The following NKAIN2 variants were observed in gnomAD, a reference collection of about 807,000 sequenced individuals.
NKAIN2 encodes sodium/potassium transporting ATPase interacting 2, also known as sodium/potassium-transporting ATPase subunit beta-1-interacting protein 2.
NKAIN2 carries 14 observed loss-of-function variants against 32.6 expected under a neutral mutation model. The ratio of observed to expected loss-of-function variants is 0.43; its 90% confidence interval spans 0.28 to 0.67. The LOEUF is 0.67. Among genes scored for constraint, NKAIN2 ranks in the 30% least tolerant of loss-of-function variants. The probability of loss-of-function intolerance (pLI) is 0.17; values close to 1 mark genes in which losing one functional copy is unlikely to be tolerated. For missense variants in NKAIN2, 198 were observed against 258.3 expected (o/e 0.77, Z 1.60); for synonymous variants, 80 against 87.2 (o/e 0.92, Z 0.46).
intron 3 of NKAIN2, among the ~76,000 whole-genome samples, chr6:124,533,491 A>AAAAAAAAAAC (rs57654153): frequency 1.3e-5 from 2 of 149,248 alleles, no homozygotes; most frequent in East Asian, 2.0e-4. Context: ...AAAAAAAAAA[A>AAAAAAAAAAC]TCCTGCTGAT....
intron 1 of NKAIN2, among the ~76,000 whole-genome samples, chr6:123,932,627 C>T (rs933361439): frequency 6.6e-6 from 1 of 151,898 alleles, no homozygotes; most frequent in Non-Finnish European, 1.5e-5. Context: ...CCGTGTTAGC[C>T]AGGATGGTCC....
At chr6:124,004,907 A>C (rs1266855780) in intron 1 of NKAIN2, among the ~76,000 whole-genome samples, 1 of 152,124 alleles carries the variant, frequency 6.6e-6, no homozygotes, top group East Asian at 1.9e-4. Flanking sequence ...AAGTAAAAAA[A>C]AAAAAAGAAT....
chr6:124,599,201 T>TA (rs964983459), intron 3 of NKAIN2, among the ~76,000 whole-genome samples: 2 of 151,984 alleles, frequency 1.3e-5, no homozygotes, highest in African/African-American at 4.8e-5. Context: ...AGTTTCATCT[T>TA]ACTCTTTTTT....
intron 1 of NKAIN2, among the ~76,000 whole-genome samples, chr6:123,854,542 G>A (rs1352264936): frequency 6.6e-6 from 1 of 152,150 alleles, no homozygotes; most frequent in Non-Finnish European, 1.5e-5. Flanking sequence ...ATACATTAAT[G>A]CTACACTTAA....
intron 1 of NKAIN2, among the ~76,000 whole-genome samples, chr6:123,909,223 T>C (rs1400392476): frequency 6.6e-6 from 1 of 152,204 alleles, no homozygotes; most frequent in East Asian, 1.9e-4. Context: ...ATAGCCTGCA[T>C]ATATTAACAT....
At chr6:124,051,179 T>C (rs1205460163) in intron 1 of NKAIN2, among the ~76,000 whole-genome samples, 1 of 152,080 alleles carries the variant, frequency 6.6e-6, no homozygotes, top group Non-Finnish European at 1.5e-5. Flanking sequence ...GTGAACTTTA[T>C]AGACATTTTT....
intron 2 of NKAIN2, among the ~76,000 whole-genome samples, chr6:124,321,195 T>C (rs1258018775): frequency 1.3e-5 from 2 of 152,312 alleles, no homozygotes; most frequent in East Asian, 3.9e-4. Flanking sequence ...GTTTTCCCAT[T>C]GATTACTTTA....
intron 3 of NKAIN2, among the ~76,000 whole-genome samples, chr6:124,442,304 T>C (rs1436067934): frequency 6.6e-6 from 1 of 152,058 alleles, no homozygotes; most frequent in Non-Finnish European, 1.5e-5. Flanking sequence ...ATTGGAGAAT[T>C]GCACCTCCCC....
intron 1 of NKAIN2, among the ~76,000 whole-genome samples, chr6:123,868,855 G>A (rs1025547438): frequency 6.6e-6 from 1 of 152,140 alleles, no homozygotes; most frequent in African/African-American, 2.4e-5. Flanking sequence ...GATAATTATA[G>A]AAATCATCTG....
At chr6:124,111,373 C>T (rs1394716186) in intron 1 of NKAIN2, among the ~76,000 whole-genome samples, 2 of 151,954 alleles carry the variant, frequency 1.3e-5, no homozygotes, top group South Asian at 2.1e-4. Flanking sequence ...CTTTATATAT[C>T]GAGGTGCTCT....
At chr6:124,044,099 C>T (rs915390415) in intron 1 of NKAIN2, among the ~76,000 whole-genome samples, 5 of 151,942 alleles carry the variant, frequency 3.3e-5, no homozygotes, top group Admixed American at 2.0e-4. Context: ...CTACTGTAAA[C>T]TTTAGAAAAT....
chr6:124,800,650 G>A (rs988266962), intron 5 of NKAIN2, among the ~76,000 whole-genome samples: 4 of 152,028 alleles, frequency 2.6e-5, no homozygotes, highest in Admixed American at 1.3e-4. Context: ...AACATTTATC[G>A]GGAAAGGAAA....
intron 3 of NKAIN2, among the ~76,000 whole-genome samples, chr6:124,438,954 TA>T (rs1486898204): frequency 2.0e-5 from 3 of 152,166 alleles, no homozygotes; most frequent in Non-Finnish European, 4.4e-5. Context: ...GGCCTTCCTT[TA>T]TTCACACTAT....
rs144321150 is a variant in NKAIN2, at chr6:123,893,443, G to A, written c.54+89189G>A. 1.3e-4 allele frequency among the ~76,000 whole-genome samples: 20 copies of A among 152,266 alleles called. No individual in the cohort carries two copies. The East Asian group carries it at 3.1e-3, about 24-fold the overall frequency. On this transcript the variant is annotated intron_variant, in intron 1 of 6. Transcript: ENST00000368417. The stretch of plus-strand genomic sequence containing the variant: ...GCTGGTCTAGAACTTATGGCCTCAA[G>A]CAATCCTTCATCCTTGCCCTCCTAT...
intron 4 of NKAIN2, among the ~76,000 whole-genome samples, chr6:124,785,348 T>A (rs1779452293): frequency 6.6e-6 from 1 of 152,178 alleles, no homozygotes; most frequent in African/African-American, 2.4e-5. Flanking sequence ...ATGTCTACTC[T>A]AAAATATGTG....
intron 2 of NKAIN2, among the ~76,000 whole-genome samples, chr6:124,345,822 G>T (rs1451829616): frequency 1.3e-5 from 2 of 152,026 alleles, no homozygotes; most frequent in African/African-American, 4.8e-5. Context: ...GGTTTTTTAT[G>T]TCTCTATTTC....
intron 1 of NKAIN2, among the ~76,000 whole-genome samples, chr6:123,825,671 A>C (rs1271780529): frequency 6.6e-6 from 1 of 152,310 alleles, no homozygotes; most frequent in South Asian, 2.1e-4. Context: ...TGTTTTGAGA[A>C]TCACTGAAAC....
intron 3 of NKAIN2, among the ~76,000 whole-genome samples, chr6:124,531,999 A>G (rs926038059): frequency 1.3e-5 from 2 of 152,194 alleles, no homozygotes; most frequent in East Asian, 1.9e-4. Flanking sequence ...TCTCTGGTCT[A>G]GAAGACTCAG....
intron 3 of NKAIN2, among the ~76,000 whole-genome samples, chr6:124,554,091 C>T (rs1780387861): frequency 6.6e-6 from 1 of 152,184 alleles, no homozygotes. Flanking sequence ...GATATATTAG[C>T]TCAACTTTAA....
Sources: allele counts gnomAD v4.1 joint callset (sites outside exome capture counted in the v4.1 genomes callset), GRCh38; gene constraint gnomAD v4.1.1; transcripts MANE v1.5; gene names NCBI Gene and HGNC (gene_info 2026-07-23, HGNC 2026-07-21).